Variants in GPC6 observed in about 807,000 individuals in gnomAD.
The protein encoded by GPC6 is glypican-6.
GPC6 carries 14 observed loss-of-function variants against 55.2 expected under a neutral mutation model. The ratio of observed to expected loss-of-function variants is 0.25; its 90% CI spans 0.17 to 0.40. The LOEUF is 0.40. GPC6 is among the 10% of genes least tolerant of loss of function. GPC6 has a pLI of 1.00. For missense variants in GPC6, 641 were observed against 708.5 expected (o/e 0.90, Z 1.08); for synonymous variants, 278 against 259.6 (o/e 1.07, Z -0.68).
intron 3 of GPC6, among the ~76,000 whole-genome samples, chr13:93,831,214 G>A (rs181713501): frequency 5.3e-5 from 8 of 152,116 alleles, no homozygotes; most frequent in African/African-American, 1.4e-4. Context: ...ATCTACTTTT[G>A]GGCCTTTCTT....
At chr13:94,309,919 G>C (rs868728285) in intron 6 of GPC6, among the ~76,000 whole-genome samples, 1 of 152,156 alleles carries the variant, frequency 6.6e-6, no homozygotes, top group African/African-American at 2.4e-5. Context: ...TTTGTACTCA[G>C]GAAGAGACTG....
chr13:94,156,710 G>A (rs1456654649), intron 4 of GPC6, among the ~76,000 whole-genome samples: 2 of 152,180 alleles, frequency 1.3e-5, no homozygotes, highest in East Asian at 3.9e-4. Context: ...AACAATAAGT[G>A]TGCCTATTTA....
Position 93,880,479 on chromosome 13 carries a change from A to C in GPC6, c.711+49934A>C, listed in dbSNP as rs541578058. Among the ~76,000 whole-genome samples, 7 of 152,016 alleles carry C rather than the reference A, an allele frequency of 4.6e-5. No homozygotes were observed. In the East Asian group the frequency reaches 1.4e-3, roughly 30 times the overall value. On this transcript the variant is annotated intron_variant, in intron 3 of 8. Coordinates refer to ENST00000377047, the MANE Select transcript of GPC6 (RefSeq NM_005708.5). ...CTATCGCAAGAACAAAAAACCAAAC[A>C]CCGCATATTCTCACTCATAGGTGGG...
At chr13:93,630,954 G>C (rs1381728788) in intron 2 of GPC6, among the ~76,000 whole-genome samples, 1 of 152,050 alleles carries the variant, frequency 6.6e-6, no homozygotes, top group East Asian at 1.9e-4. Context: ...ATTAGAGTGG[G>C]CCCTAATCCA....
At chr13:93,979,259 G>A in intron 3 of GPC6, among the ~76,000 whole-genome samples, 1 of 148,642 alleles carries the variant, frequency 6.7e-6, no homozygotes, top group East Asian at 2.0e-4. Context: ...CCTCCATATT[G>A]GACAGCACAA....
chr13:94,342,971 A>G (rs771099499), intron 6 of GPC6, among the ~76,000 whole-genome samples: 1 of 152,202 alleles, frequency 6.6e-6, no homozygotes, highest in African/African-American at 2.4e-5. Flanking sequence ...ACCCTGAAGT[A>G]TGAGGTTTTT....
chr13:93,854,652 G>A (rs189659769), intron 3 of GPC6, among the ~76,000 whole-genome samples: 171 of 151,752 alleles, frequency 1.1e-3, no homozygotes, highest in African/African-American at 3.8e-3. Context: ...ATGGAATAAC[G>A]TTTTAATTAT....
intron 3 of GPC6, among the ~76,000 whole-genome samples, chr13:94,018,375 C>G (rs1238747321): frequency 6.6e-6 from 1 of 151,748 alleles, no homozygotes; most frequent in African/African-American, 2.4e-5. Context: ...CTGCAACCTC[C>G]GCCTCCCAGG....
At chr13:94,177,541 T>TA (rs1047257634) in intron 4 of GPC6, among the ~76,000 whole-genome samples, 17 of 150,630 alleles carry the variant, frequency 1.1e-4, no homozygotes, top group Middle Eastern at 3.4e-3. Context: ...TTAAACTTAC[T>TA]AAAAAAAAAC....
At chr13:94,229,174 T>C (rs1388290776) in intron 4 of GPC6, among the ~76,000 whole-genome samples, 1 of 152,208 alleles carries the variant, frequency 6.6e-6, no homozygotes, top group African/African-American at 2.4e-5. Context: ...GTTTGATACA[T>C]TGTTATTTAA....
intron 1 of GPC6, among the ~76,000 whole-genome samples, chr13:93,525,337 A>T (rs1244300726): frequency 6.6e-6 from 1 of 152,090 alleles, no homozygotes. Flanking sequence ...CCCAAGAGGT[A>T]ACTAAAGATC....
intron 1 of GPC6, among the ~76,000 whole-genome samples, chr13:93,250,383 G>T (rs1006417709): frequency 6.6e-6 from 1 of 152,172 alleles, no homozygotes; most frequent in African/African-American, 2.4e-5. Flanking sequence ...TCTGGGGGTG[G>T]TATACTTTGT....
chr13:93,302,823 C>T (rs1353705273), intron 1 of GPC6, among the ~76,000 whole-genome samples: 5 of 152,146 alleles, frequency 3.3e-5, no homozygotes, highest in African/African-American at 1.2e-4. Context: ...TTAGGCTTTG[C>T]CATCCCATAA....
chr13:94,182,796 G>GTC, intron 4 of GPC6, among the ~76,000 whole-genome samples: 1 of 151,744 alleles, frequency 6.6e-6, no homozygotes, highest in South Asian at 2.1e-4. Context: ...GTATATTTTT[G>GTC]AGACAGGGTC....
chr13:93,951,885 A>G (rs919945700), intron 3 of GPC6, among the ~76,000 whole-genome samples: 5 of 152,164 alleles, frequency 3.3e-5, no homozygotes, highest in South Asian at 2.1e-4. Context: ...GACATGTTTC[A>G]TAGGCATTCT....
At chr13:93,593,047 G>A (rs1225945798) in intron 2 of GPC6, among the ~76,000 whole-genome samples, 1 of 152,008 alleles carries the variant, frequency 6.6e-6, no homozygotes, top group Non-Finnish European at 1.5e-5. Flanking sequence ...TTGGTTCTTA[G>A]TTTATAAAAT....
At position 94,100,814 on chromosome 13, in the gene GPC6, T is replaced by C. The variant is rs185068588; in HGVS notation, c.877+72920T>C. ...TTTCTGTATATAGCAATAATGCTAA[T>C]GATAATAATTTCTTTGGAAATACGT... is the stretch of plus-strand genomic sequence containing the variant. On this transcript the variant is annotated intron_variant, in intron 4 of 8. Coordinates refer to ENST00000377047, the MANE Select transcript of GPC6 (RefSeq NM_005708.5). 2.1e-3 allele frequency among the ~76,000 whole-genome samples: 327 copies of C among 152,356 alleles called. 3 individuals are homozygous for C. The highest frequency in any genetic ancestry group is 7.6e-3 in the African/African-American group (317 of 41,590).
intron 3 of GPC6, among the ~76,000 whole-genome samples, chr13:93,879,946 C>CA (rs1874853171): frequency 6.6e-6 from 1 of 150,556 alleles, no homozygotes. Flanking sequence ...TTTATGCAGC[C>CA]AAAAAACACA....
At chr13:93,444,195 C>CTTCTTTTTT (rs755978023) in intron 1 of GPC6, among the ~76,000 whole-genome samples, 51 of 110,612 alleles carry the variant, frequency 4.6e-4, no homozygotes, top group Non-Finnish European at 6.2e-4. Context: ...TGCAATTCTT[C>CTTCTTTTTT]TTTTTTTTTT....
Sources: gnomAD v4.1 joint callset for allele counts (sites outside exome capture counted in the v4.1 genomes callset) on GRCh38, gnomAD v4.1.1 for gene constraint, MANE v1.5 for transcripts, NCBI Gene and HGNC (gene_info 2026-07-23, HGNC 2026-07-21) for gene names.